Variants in GRID2 observed in about 807,000 individuals in gnomAD.
GRID2 encodes the protein glutamate receptor ionotropic, delta-2.
A neutral mutation model predicts 114.8 loss-of-function variants in GRID2; 33 were observed. The ratio of observed to expected loss-of-function variants is 0.29; its 90% confidence interval spans 0.22 to 0.38. The LOEUF (loss-of-function observed/expected upper bound fraction) is 0.38, where lower values mean the gene tolerates loss of function less well. Ranked by LOEUF, GRID2 falls within the 10% of genes least tolerant of loss-of-function variation. The probability of loss-of-function intolerance (pLI) is 1.00; values close to 1 mark genes in which losing one functional copy is unlikely to be tolerated. For missense variants in GRID2, 1,184 were observed against 1,257.7 expected (o/e 0.94, Z 0.89); for synonymous variants, 505 against 449.9 (o/e 1.12, Z -1.55).
At chr4:93,389,763 C>T (rs1436775512) in intron 8 of GRID2, among the ~76,000 whole-genome samples, 2 of 151,814 alleles carry the variant, frequency 1.3e-5, no homozygotes, top group African/African-American at 4.8e-5. Flanking sequence ...GTTTGCATTC[C>T]CTGTGTGTTG....
At chr4:93,016,947 T>C (rs892091020) in intron 2 of GRID2, among the ~76,000 whole-genome samples, 1 of 152,200 alleles carries the variant, frequency 6.6e-6, no homozygotes, top group Non-Finnish European at 1.5e-5. Flanking sequence ...TCTTCTATGA[T>C]GCTTCTGTCA....
chr4:92,348,569 T>A (rs1727899263), intron 1 of GRID2, among the ~76,000 whole-genome samples: 2 of 152,210 alleles, frequency 1.3e-5, no homozygotes, highest in Admixed American at 1.3e-4. Context: ...TTTCTTATAA[T>A]TAAATCAGTG....
At chr4:93,178,273 C>T (rs368533178) in intron 4 of GRID2, among the ~76,000 whole-genome samples, 31 of 151,818 alleles carry the variant, frequency 2.0e-4, no homozygotes, top group African/African-American at 7.0e-4. Context: ...AGCAGTGTCA[C>T]GTTCACCAGA....
chr4:92,959,647 T>C (rs1281580903), intron 2 of GRID2, among the ~76,000 whole-genome samples: 2 of 152,058 alleles, frequency 1.3e-5, no homozygotes, highest in East Asian at 1.9e-4. Context: ...AAATCTGGCA[T>C]ATATACACCA....
chr4:93,257,838 A>G (rs1356936678), intron 8 of GRID2, among the ~76,000 whole-genome samples: 3 of 151,346 alleles, frequency 2.0e-5, no homozygotes, highest in African/African-American at 7.3e-5. Context: ...TACTTCAGCA[A>G]CGCATAGGAA....
At chr4:92,929,444 A>G (rs935661042) in intron 2 of GRID2, among the ~76,000 whole-genome samples, 1 of 151,376 alleles carries the variant, frequency 6.6e-6, no homozygotes, top group South Asian at 2.1e-4. Flanking sequence ...AAGTGTAAGT[A>G]ATTTTTCTAG....
intron 4 of GRID2, among the ~76,000 whole-genome samples, chr4:93,197,430 A>G (rs1741606959): frequency 6.6e-6 from 1 of 152,182 alleles, no homozygotes; most frequent in South Asian, 2.1e-4. Context: ...TGATAATTAA[A>G]TGAGTTATTA....
chr4:93,193,722 A>T lies in GRID2; in HGVS notation c.736-13682A>T, dbSNP rs1394739710. ...AACTGTGAAATTGTGCTAAATAGAG[A>T]TGTATGCTAACTGTGAAACACTGAT... On this transcript the variant is annotated intron_variant, in intron 4 of 15. Coordinates refer to ENST00000282020, the MANE Select transcript of GRID2 (RefSeq NM_001510.4). Among the ~76,000 whole-genome samples, 3 of 152,204 alleles carry T rather than the reference A, an allele frequency of 2.0e-5. No homozygotes were observed. The South Asian group carries it at 6.2e-4, about 32-fold the overall frequency.
chr4:93,664,789 A>G (rs757068051), intron 14 of GRID2, among the ~76,000 whole-genome samples: 5 of 152,166 alleles, frequency 3.3e-5, no homozygotes, highest in Non-Finnish European at 7.3e-5. Context: ...CACTTCTGAG[A>G]CTCAACTTTC....
chr4:92,443,581 G>T (rs1021537842), intron 1 of GRID2, among the ~76,000 whole-genome samples: 1 of 152,114 alleles, frequency 6.6e-6, no homozygotes, highest in African/African-American at 2.4e-5. Flanking sequence ...AAGTGATTGG[G>T]GCACAGAGAT....
intron 13 of GRID2, among the ~76,000 whole-genome samples, chr4:93,516,200 C>G (rs1484841259): frequency 6.6e-6 from 1 of 152,096 alleles, no homozygotes; most frequent in African/African-American, 2.4e-5. Context: ...CACTTTTTCT[C>G]TCTGACCTTC....
At chr4:93,416,437 A>G (rs1407222889) in intron 9 of GRID2, among the ~76,000 whole-genome samples, 1 of 152,076 alleles carries the variant, frequency 6.6e-6, no homozygotes, top group African/African-American at 2.4e-5. Flanking sequence ...ATTAAGAAAT[A>G]GTCTCTTTTT....
At chr4:92,516,733 T>G (rs1001978294) in intron 1 of GRID2, among the ~76,000 whole-genome samples, 3 of 151,826 alleles carry the variant, frequency 2.0e-5, no homozygotes, top group Admixed American at 1.3e-4. Context: ...TTGCCATGTT[T>G]CGGTTACTGT....
intron 1 of GRID2, among the ~76,000 whole-genome samples, chr4:92,509,333 C>A (rs948720195): frequency 2.0e-5 from 3 of 151,904 alleles, no homozygotes; most frequent in Non-Finnish European, 2.9e-5. Flanking sequence ...CAGTGCTTAG[C>A]AGAAGTAGAC....
chr4:92,490,830 C>T (rs1003884592), intron 1 of GRID2, among the ~76,000 whole-genome samples: 2 of 151,924 alleles, frequency 1.3e-5, no homozygotes, highest in Non-Finnish European at 2.9e-5. Context: ...TTAAGAAAAA[C>T]CAGAAGAAAC....
At chr4:92,703,990 A>T (rs1367945806) in intron 2 of GRID2, among the ~76,000 whole-genome samples, 3 of 152,088 alleles carry the variant, frequency 2.0e-5, no homozygotes, top group African/African-American at 4.8e-5. Flanking sequence ...AAAATAAGAG[A>T]ATTGGCCGGG....
chr4:92,925,624 T>C (rs959004138), intron 2 of GRID2, among the ~76,000 whole-genome samples: 5 of 152,040 alleles, frequency 3.3e-5, no homozygotes, highest in African/African-American at 1.2e-4. Flanking sequence ...GGTAAACTCT[T>C]TCAAAATAAA....
chr4:93,109,944 T>G (rs1315997811), intron 3 of GRID2, among the ~76,000 whole-genome samples: 2 of 152,104 alleles, frequency 1.3e-5, no homozygotes, highest in Non-Finnish European at 2.9e-5. Context: ...CTTATTTAAG[T>G]GTGACGTGGA....
chr4:92,847,479 A>G (rs1743415351), intron 2 of GRID2, among the ~76,000 whole-genome samples: 1 of 151,972 alleles, frequency 6.6e-6, no homozygotes, highest in Non-Finnish European at 1.5e-5. Flanking sequence ...CCTGCTCTTT[A>G]ATATTTTAAA....
Sources: gnomAD v4.1 joint callset for allele counts (sites outside exome capture counted in the v4.1 genomes callset) on GRCh38, gnomAD v4.1.1 for gene constraint, MANE v1.5 for transcripts, NCBI Gene and HGNC (gene_info 2026-07-23, HGNC 2026-07-21) for gene names.